SLC25A21: variants seen among roughly 807,000 people sequenced by gnomAD.
SLC25A21 encodes solute carrier family 25 member 21, also known as mitochondrial 2-oxodicarboxylate carrier.
In SLC25A21, 47 loss-of-function variants were observed where a neutral mutation model predicts 43.8. The ratio of observed to expected loss-of-function variants is 1.07; its 90% CI spans 0.85 to 1.37. SLC25A21 has a LOEUF of 1.37. SLC25A21 is among the 40% of genes most tolerant of loss of function. The pLI is 0.00. For missense variants in SLC25A21, 352 were observed against 350.2 expected (o/e 1.00, Z -0.04); for synonymous variants, 131 against 121.3 (o/e 1.08, Z -0.52).
At chr14:36,749,257 T>A (rs1386676292) in intron 3 of SLC25A21, among the ~76,000 whole-genome samples, 1 of 152,192 alleles carries the variant, frequency 6.6e-6, no homozygotes, top group African/African-American at 2.4e-5. Context: ...CTCAATTAAA[T>A]TCTTCTAAAT....
At chr14:36,731,413 T>C (rs1161563138) in intron 4 of SLC25A21, among the ~76,000 whole-genome samples, 1 of 152,222 alleles carries the variant, frequency 6.6e-6, no homozygotes, top group African/African-American at 2.4e-5. Flanking sequence ...GCTTAACCTT[T>C]CTAACTCTCA....
intron 4 of SLC25A21, among the ~76,000 whole-genome samples, chr14:36,730,002 T>A (rs1247025300): frequency 6.6e-6 from 1 of 152,206 alleles, no homozygotes; most frequent in Non-Finnish European, 1.5e-5. Context: ...AGCCTTAACT[T>A]GCATTTCTAT....
chr14:37,099,726 T>TG (rs1321382284), intron 1 of SLC25A21, among the ~76,000 whole-genome samples: 2 of 152,158 alleles, frequency 1.3e-5, no homozygotes, highest in African/African-American at 2.4e-5. Context: ...ATTGGGAACT[T>TG]TAAATGTATC....
chr14:37,110,792 G>A (rs953171352), intron 1 of SLC25A21, among the ~76,000 whole-genome samples: 6 of 152,134 alleles, frequency 3.9e-5, no homozygotes, highest in African/African-American at 1.4e-4. Flanking sequence ...ATTCACGACA[G>A]AGGAATAGCC....
chr14:36,882,960 A>G (rs1250499810), intron 1 of SLC25A21, among the ~76,000 whole-genome samples: 1 of 151,906 alleles, frequency 6.6e-6, no homozygotes, highest in Non-Finnish European at 1.5e-5. Flanking sequence ...GATTTCTACC[A>G]TCCCTCATGA....
At chr14:37,157,326 C>T (rs935568646) in intron 1 of SLC25A21, among the ~76,000 whole-genome samples, 1 of 151,978 alleles carries the variant, frequency 6.6e-6, no homozygotes, top group Non-Finnish European at 1.5e-5. Context: ...AGTGCCACTG[C>T]ACTCCAGCCT....
intron 1 of SLC25A21, among the ~76,000 whole-genome samples, chr14:37,109,847 TTTATA>T (rs755902276): frequency 7.2e-5 from 11 of 152,196 alleles, no homozygotes; most frequent in East Asian, 5.8e-4. Context: ...ACCTGAGGTC[TTTATA>T]AAGTAAGATT....
chr14:37,073,235 C>A (rs1424299349), intron 1 of SLC25A21, among the ~76,000 whole-genome samples: 1 of 152,190 alleles, frequency 6.6e-6, no homozygotes, highest in Non-Finnish European at 1.5e-5. Flanking sequence ...ATTGTATAGA[C>A]CTTGTTAGAA....
intron 6 of SLC25A21, among the ~76,000 whole-genome samples, chr14:36,714,425 A>G (rs1884032074): frequency 6.6e-6 from 1 of 152,214 alleles, no homozygotes; most frequent in South Asian, 2.1e-4. Context: ...TTCCAGGTAC[A>G]GTGCCTCACC....
At chr14:36,821,849 CCAAAA>C (rs1037906179) in intron 2 of SLC25A21, among the ~76,000 whole-genome samples, 4 of 151,990 alleles carry the variant, frequency 2.6e-5, no homozygotes, top group African/African-American at 9.7e-5. Context: ...AAACACCAAA[CCAAAA>C]CAAAACAAAA....
At chr14:36,906,330 A>G (rs1314361329) in intron 1 of SLC25A21, among the ~76,000 whole-genome samples, 1 of 152,182 alleles carries the variant, frequency 6.6e-6, no homozygotes, top group Non-Finnish European at 1.5e-5. Flanking sequence ...CCCCCAAATC[A>G]GAGAGAATTC....
intron 2 of SLC25A21, among the ~76,000 whole-genome samples, chr14:36,816,212 T>C (rs1485695441): frequency 6.6e-6 from 1 of 152,114 alleles, no homozygotes; most frequent in Admixed American, 6.6e-5. Context: ...AACAGTACTG[T>C]GAAGAATTTT....
At chr14:36,823,264 A>AT (rs1888700515) in intron 2 of SLC25A21, among the ~76,000 whole-genome samples, 1 of 152,200 alleles carries the variant, frequency 6.6e-6, no homozygotes, top group African/African-American at 2.4e-5. Context: ...AAATAGGCTA[A>AT]TTAACATAGC....
intron 1 of SLC25A21, among the ~76,000 whole-genome samples, chr14:37,165,984 G>A (rs1964023616): frequency 6.6e-6 from 1 of 152,108 alleles, no homozygotes; most frequent in East Asian, 1.9e-4. Context: ...TCATATGCAG[G>A]GGCTGCTGAG....
intron 1 of SLC25A21, among the ~76,000 whole-genome samples, chr14:37,024,434 T>C (rs1961050946): frequency 6.6e-6 from 1 of 151,992 alleles, no homozygotes; most frequent in Non-Finnish European, 1.5e-5. Flanking sequence ...ACCCCACTAA[T>C]AGAGTCACTG....
chr14:37,079,048 T>C (rs1962336543), intron 1 of SLC25A21, among the ~76,000 whole-genome samples: 1 of 152,204 alleles, frequency 6.6e-6, no homozygotes, highest in Admixed American at 6.5e-5. Context: ...TGTTTTCATC[T>C]AATAGTTTCT....
At chr14:36,934,068 AT>A (rs1175677663) in intron 1 of SLC25A21, among the ~76,000 whole-genome samples, 3 of 152,198 alleles carry the variant, frequency 2.0e-5, no homozygotes, top group African/African-American at 7.2e-5. Context: ...TTAGAAAAAA[AT>A]ATCAAAATTT....
At chr14:36,757,364 G>A (rs1197968298) in intron 3 of SLC25A21, among the ~76,000 whole-genome samples, 4 of 152,068 alleles carry the variant, frequency 2.6e-5, no homozygotes, top group African/African-American at 9.7e-5. Flanking sequence ...TCACACACTT[G>A]GATGCTATGG....
At chr14:36,899,507 G>A (rs1171173004) in intron 1 of SLC25A21, among the ~76,000 whole-genome samples, 2 of 152,204 alleles carry the variant, frequency 1.3e-5, no homozygotes, top group Non-Finnish European at 1.5e-5. Flanking sequence ...CCTACAGGGA[G>A]AATGGTAGCA....
Sources: allele counts gnomAD v4.1 joint callset (sites outside exome capture counted in the v4.1 genomes callset), GRCh38; gene constraint gnomAD v4.1.1; transcripts MANE v1.5; gene names NCBI Gene and HGNC (gene_info 2026-07-23, HGNC 2026-07-21).